The following TCF12 variants were observed in gnomAD, a reference collection of about 807,000 sequenced individuals.
TCF12 encodes DNA-binding protein HTF4.
Under a neutral mutation model 86.0 loss-of-function variants are expected in TCF12, and 45 were observed. The observed-to-expected ratio is 0.52, with a 90% CI of 0.41 to 0.67. TCF12 has a LOEUF of 0.67. Ranked by LOEUF, TCF12 falls within the 30% of genes least tolerant of loss-of-function variation. The pLI is 0.00. For synonymous variants in TCF12, 330 were observed against 299.6 expected, an observed-to-expected ratio of 1.10 and a Z score of -1.05; for missense variants, 881 against 859.9, an observed-to-expected ratio of 1.02 and a Z score of -0.31.
At chr15:57,203,138 G>A (rs1166677149) in intron 8 of TCF12, among the ~76,000 whole-genome samples, 2 of 152,216 alleles carry the variant, frequency 1.3e-5, no homozygotes, top group African/African-American at 4.8e-5. Flanking sequence ...TTGTTGTTTA[G>A]AAAGCATTCA....
At chr15:57,050,317 T>C (rs2067524043) in intron 3 of TCF12, among the ~76,000 whole-genome samples, 1 of 152,172 alleles carries the variant, frequency 6.6e-6, no homozygotes, top group Admixed American at 6.5e-5. Context: ...AAAAACTCTA[T>C]TTAGTATTTC....
At chr15:57,193,957 TTTCCTACC>T (rs1221813299) in intron 7 of TCF12, among the ~76,000 whole-genome samples, 5 of 152,230 alleles carry the variant, frequency 3.3e-5, no homozygotes, top group African/African-American at 1.2e-4. Flanking sequence ...TCCAGTCTTG[TTTCCTACC>T]TAATGAGTTA....
chr15:57,038,002 G>A (rs2066626032), intron 3 of TCF12, among the ~76,000 whole-genome samples: 1 of 152,010 alleles, frequency 6.6e-6, no homozygotes, highest in African/African-American at 2.4e-5. Context: ...AAATGAAATA[G>A]GTTTTAAACT....
chr15:56,965,850 A>G (rs765842835), intron 3 of TCF12, among the ~76,000 whole-genome samples: 1 of 152,200 alleles, frequency 6.6e-6, no homozygotes. Flanking sequence ...TTAACATACA[A>G]TTAGTCACTG....
Position 57,286,287 on chromosome 15 carries a change from A to G in TCF12, c.*142A>G, listed in dbSNP as rs2061930855. The G allele has an allele frequency of 5.1e-6, 1 of 195,320 alleles. No individual in the cohort carries two copies. Among genetic ancestry groups the G allele is most frequent in the East Asian group, 1.5e-4 (1 of 6,818 alleles). The allele number at this position is 195,320 out of a possible 1,614,324, so 12.1% of individuals were successfully genotyped here. ...ACAAAACACTTGAACCAAGAAACTC[A>G]AATGTAATCCTACGATCAAAGCAAC... is the stretch of plus-strand genomic sequence containing the variant. On this transcript the variant is annotated 3_prime_UTR_variant, in exon 21 of 21. Transcript: ENST00000333725.
intron 4 of TCF12, among the ~76,000 whole-genome samples, chr15:57,066,943 T>C: frequency 6.6e-6 from 1 of 152,230 alleles, no homozygotes. Flanking sequence ...GTCCTGACTT[T>C]AATTGTAAGA....
At chr15:57,189,991 ATT>A (rs201880388) in intron 6 of TCF12, among the ~76,000 whole-genome samples, 2 of 152,318 alleles carry the variant, frequency 1.3e-5, no homozygotes, top group East Asian at 3.9e-4. Flanking sequence ...AAGGCCACAT[ATT>A]GTATGAGTCC....
intron 3 of TCF12, among the ~76,000 whole-genome samples, chr15:56,932,302 A>G (rs1595731383): frequency 6.6e-6 from 1 of 152,222 alleles, no homozygotes; most frequent in Non-Finnish European, 1.5e-5. Context: ...TAGAGAAATC[A>G]ACAGTGAAAT....
chr15:57,088,854 C>CATTGA (rs1345910943), intron 4 of TCF12, among the ~76,000 whole-genome samples: 2 of 152,044 alleles, frequency 1.3e-5, no homozygotes, highest in Non-Finnish European at 2.9e-5. Flanking sequence ...CTAGATGATA[C>CATTGA]ATTGACGTGC....
chr15:57,112,155 T>A (rs917286885), intron 5 of TCF12, among the ~76,000 whole-genome samples: 2 of 152,180 alleles, frequency 1.3e-5, no homozygotes, highest in Non-Finnish European at 2.9e-5. Context: ...TCCAGAAACA[T>A]GAGCCTGCTG....
chr15:57,237,085 ACTT>A (rs1263526173), intron 12 of TCF12, among the ~76,000 whole-genome samples: 3 of 152,022 alleles, frequency 2.0e-5, no homozygotes, highest in African/African-American at 7.2e-5. Context: ...ATTATATCAG[ACTT>A]CTTTGTGATA....
intron 3 of TCF12, among the ~76,000 whole-genome samples, chr15:56,994,903 G>T (rs1332551394): frequency 6.6e-6 from 1 of 152,012 alleles, no homozygotes; most frequent in African/African-American, 2.4e-5. Flanking sequence ...GTAAATATTT[G>T]GGTAAATATT....
At chr15:57,046,454 T>C (rs1167005193) in intron 3 of TCF12, among the ~76,000 whole-genome samples, 1 of 152,172 alleles carries the variant, frequency 6.6e-6, no homozygotes, top group African/African-American at 2.4e-5. Context: ...TTTGTTTGTT[T>C]GTTTTTGAGA....
intron 5 of TCF12, among the ~76,000 whole-genome samples, chr15:57,107,291 ATGTGTAAGTGCAGATTACTG>A (rs1438459945): frequency 3.3e-5 from 5 of 152,210 alleles, no homozygotes; most frequent in Non-Finnish European, 4.4e-5. Context: ...GCAGATTACT[ATGTGTAAGTGCAGATTACTG>A]TGTGAAACAA....
At chr15:57,213,028 C>T (rs1177008150) in intron 8 of TCF12, among the ~76,000 whole-genome samples, 1 of 152,208 alleles carries the variant, frequency 6.6e-6, no homozygotes, top group East Asian at 1.9e-4. Flanking sequence ...AGTAGCTTAA[C>T]AAATTTCTTC....
chr15:57,213,409 C>A (rs1474433257), intron 8 of TCF12, among the ~76,000 whole-genome samples: 2 of 152,038 alleles, frequency 1.3e-5, no homozygotes, highest in Non-Finnish European at 2.9e-5. Flanking sequence ...TTGGTAGACT[C>A]AACATTTATT....
At chr15:57,188,832 G>A (rs2056826139) in intron 6 of TCF12, among the ~76,000 whole-genome samples, 2 of 152,100 alleles carry the variant, frequency 1.3e-5, no homozygotes, top group Non-Finnish European at 2.9e-5. Context: ...TCTGTCACCT[G>A]GGCTGGAATG....
chr15:57,280,580 T>G (rs1057501785), intron 19 of TCF12, among the ~76,000 whole-genome samples: 1 of 152,154 alleles, frequency 6.6e-6, no homozygotes, highest in Admixed American at 6.5e-5. Context: ...TTACCTACTT[T>G]AAAGGGGAAT....
chr15:57,002,521 G>T (rs548283349), intron 3 of TCF12, among the ~76,000 whole-genome samples: 1 of 152,154 alleles, frequency 6.6e-6, no homozygotes, highest in African/African-American at 2.4e-5. Context: ...TATGTTGATT[G>T]ACTATAATTA....
Sources: gnomAD v4.1 joint callset for allele counts (sites outside exome capture counted in the v4.1 genomes callset) on GRCh38, gnomAD v4.1.1 for gene constraint, MANE v1.5 for transcripts, NCBI Gene and HGNC (gene_info 2026-07-23, HGNC 2026-07-21) for gene names.